Variants in CTBP1 observed in about 807,000 individuals in gnomAD.
The protein encoded by CTBP1 is C-terminal binding protein 1, also known as C-terminal-binding protein 1.
CTBP1 carries 11 observed loss-of-function variants against 42.1 expected under a neutral mutation model. That is an observed-to-expected ratio of 0.26 (90% confidence interval 0.16 to 0.43). CTBP1 has a LOEUF of 0.43. Ranked by LOEUF, CTBP1 falls within the 20% of genes least tolerant of loss-of-function variation. The pLI, the probability that CTBP1 is intolerant of heterozygous loss-of-function variation, is 1.00. For missense variants in CTBP1, 399 were observed against 624.3 expected, an observed-to-expected ratio of 0.64 and a Z score of 3.85; for synonymous variants, 324 against 277.1, an observed-to-expected ratio of 1.17 and a Z score of -1.68.
chr4:1,242,281 T>A (rs1013714551), intron 1 of CTBP1: 1 of 985,406 alleles, frequency 1.0e-6, no homozygotes, highest in Non-Finnish European at 1.2e-6. Context: ...GTCACTGAGC[T>A]GCCCACACCT....
chr4:1,242,410 G>T, intron 1 of CTBP1: 1 of 985,354 alleles, frequency 1.0e-6, no homozygotes, highest in East Asian at 1.1e-4. Flanking sequence ...GGCGTGGGCT[G>T]AGACGACTGC....
Position 1,248,937 on chromosome 4 carries a change from G to A in CTBP1, c.-210C>T, listed in dbSNP as rs1733073373. The A allele has an allele frequency of 5.9e-6, 6 of 1,011,110 alleles. No homozygotes were observed. The highest frequency in any genetic ancestry group is 7.1e-6 in the Non-Finnish European group (6 of 840,904). 62.6% of individuals were successfully genotyped at this position (1,011,110 alleles called of 1,614,324 possible). On this transcript the variant is annotated 5_prime_UTR_variant, in exon 1 of 10. Transcript: ENST00000382952. ...TTACCAAGCGGCAGGCCCTTGTTGA[G>A]CAAGTGCGAGCTGCCCATCGAGAGG...
chr4:1,246,545 G>A (rs1325404461), intron 1 of CTBP1, among the ~76,000 whole-genome samples: 15 of 152,324 alleles, frequency 9.8e-5, no homozygotes, highest in Middle Eastern at 3.4e-3. Flanking sequence ...GGGCACAGCC[G>A]GGCACAAAGT....
At chr4:1,236,402 G>A (rs1381478998) in intron 3 of CTBP1, 19 of 545,412 alleles carry the variant, frequency 3.5e-5, no homozygotes, top group East Asian at 1.6e-4. Flanking sequence ...GAGACCGCCC[G>A]TGTGAAGACC....
At chr4:1,248,312 G>A (rs1467569414) in intron 1 of CTBP1, among the ~76,000 whole-genome samples, 2 of 151,792 alleles carry the variant, frequency 1.3e-5, no homozygotes, top group East Asian at 1.9e-4. Context: ...ACCGCCGGGG[G>A]CTGCGCTTTG....
chr4:1,246,086 G>A (rs986821518), intron 1 of CTBP1, among the ~76,000 whole-genome samples: 1 of 152,194 alleles, frequency 6.6e-6, no homozygotes, highest in Non-Finnish European at 1.5e-5. Context: ...GTGGCCGGAG[G>A]GGCTTCTGGA....
Position 1,247,738 on chromosome 4 carries a change from C to T in CTBP1, c.-189+1178G>A, listed in dbSNP as rs987820231. Among the ~76,000 whole-genome samples the T allele has an allele frequency of 8.6e-4, 126 of 147,124 alleles. 1 individual carries two copies. In the Middle Eastern group the frequency reaches 0.011, roughly 13 times the overall value. On this transcript the variant is annotated intron_variant, in intron 1 of 9. Transcript: ENST00000382952. ...CGAGGGACGTGTGCTCCCTGCCGCG[C>T]TCCTACAGAAACGGTGGAGAGGCCG...
chr4:1,217,844 C>T (rs568293998), intron 5 of CTBP1: 2 of 152,236 alleles, frequency 1.3e-5, no homozygotes, highest in African/African-American at 4.8e-5. Context: ...AGGCTGGAAT[C>T]AGCCAGCAAA....
At chr4:1,220,451 G>A (rs563904017) in intron 5 of CTBP1, among the ~76,000 whole-genome samples, 4 of 152,250 alleles carry the variant, frequency 2.6e-5, no homozygotes, top group African/African-American at 7.2e-5. Flanking sequence ...TTTATGTCCC[G>A]AAGGTTCAAT....
chr4:1,239,571 G>A lies in CTBP1; in HGVS notation c.8-1234C>T, dbSNP rs138272268. Among the ~76,000 whole-genome samples the A allele has an allele frequency of 2.0e-4, 31 of 152,342 alleles. 1 individual carries two copies. The East Asian group carries it at 6.0e-3, about 29-fold the overall frequency. On this transcript the variant is annotated intron_variant, in intron 2 of 9. Transcript: ENST00000382952. Reference sequence around the variant, plus strand: ...CGAGCTGCCAGTATCCAGGAAGCAGGGAAGTGCCTCCTGGAACCCATGGCA... The same window carrying A: ...CGAGCTGCCAGTATCCAGGAAGCAGAGAAGTGCCTCCTGGAACCCATGGCA...
At chr4:1,242,932 C>T (rs1026726851) in intron 1 of CTBP1, 20 of 984,700 alleles carry the variant, frequency 2.0e-5, no homozygotes, top group Admixed American at 6.2e-5. Flanking sequence ...CTCATCAACG[C>T]CAGCCGATAC....
intron 4 of CTBP1, among the ~76,000 whole-genome samples, chr4:1,227,319 G>A (rs999644595): frequency 6.6e-6 from 1 of 150,534 alleles, no homozygotes; most frequent in Admixed American, 6.6e-5. Context: ...CGTGTGCTGA[G>A]TGCATGTGCA....
chr4:1,243,675 C>T, intron 1 of CTBP1: 1 of 985,480 alleles, frequency 1.0e-6, no homozygotes, highest in Non-Finnish European at 1.2e-6. Context: ...CTGCGCACCT[C>T]ACGCCAGGGA....
rs1731747863 is a variant in CTBP1 at position 1,238,006 on chromosome 4, A to C, written c.162+177T>G. 1.2e-6 allele frequency: 1 copy of C among 825,598 alleles called. No homozygotes were observed. Among genetic ancestry groups the C allele is most frequent in the African/African-American group, 1.7e-5 (1 of 59,452 alleles). The allele number at this position is 825,598 out of a possible 1,614,324, so 51.1% of individuals were successfully genotyped here. A position where few individuals can be genotyped will look rare whatever the true frequency, so the allele number is the denominator to read the frequency against. ...GGGCAAACCCGATGTCCACCTCCTG[A>C]TGGTGTCCAGGGAAAACCCCGTGTC... On this transcript the variant is annotated intron_variant, in intron 3 of 9. Transcript: ENST00000382952. This position sits in a 1 kb window ranked among gnomAD's most constrained non-coding sequence, Gnocchi z 5.9.
rs1326775233 is a variant in CTBP1, at chr4:1,212,391, G to C, written c.1139C>G (p.Thr380Ser). ...ACCTTCCACAGCAGCTGGGATGCCAGTGGGGGCCACGCCCACCACGCCCGG... is the reference window on the plus strand; with the variant it reads ...ACCTTCCACAGCAGCTGGGATGCCACTGGGGGCCACGCCCACCACGCCCGG... ...YPPGVVGVAPTGIPAAVEGIV... is the reference protein window; with the variant it reads ...YPPGVVGVAPSGIPAAVEGIV... Residue 380 changes from threonine to serine, a missense_variant, in exon 10 of 10, where the codon ACT becomes AGT. Coordinates refer to ENST00000382952, the MANE Select transcript of CTBP1 (RefSeq NM_001012614.2). The C allele has an allele frequency of 1.3e-6, 2 of 1,492,636 alleles. No individual in the cohort carries two copies. Among genetic ancestry groups the C allele is most frequent in the Non-Finnish European group, 1.8e-6 (2 of 1,125,130 alleles). The allele number at this position is 1,492,636 out of a possible 1,614,324, so 92.5% of individuals were successfully genotyped here.
chr4:1,237,984 C>T lies in CTBP1; in HGVS notation c.162+199G>A, dbSNP rs1490214638. Reference sequence around the variant, plus strand: ...GTCCACCTCCTGATGGGGCTCAGGGCAAACCCGATGTCCACCTCCTGATGG... The same window carrying T: ...GTCCACCTCCTGATGGGGCTCAGGGTAAACCCGATGTCCACCTCCTGATGG... On this transcript the variant is annotated intron_variant, in intron 3 of 9. Transcript: ENST00000382952. 1.7e-5 allele frequency: 13 copies of T among 756,178 alleles called. No homozygotes were observed. In the East Asian group the frequency reaches 2.9e-4, roughly 17 times the overall value. 46.8% of individuals were successfully genotyped at this position (756,178 alleles called of 1,614,324 possible).
Position 1,226,899 on chromosome 4 carries a change from C to T in CTBP1, c.307+1300G>A, listed in dbSNP as rs576547949. ...GGCTTCCGACACCACCTGCGTCCCC[C>T]GCAGGAACACAGACGGTTCCAACTT... On this transcript the variant is annotated intron_variant, in intron 4 of 9. Transcript: ENST00000382952. Among the ~76,000 whole-genome samples the T allele has an allele frequency of 3.3e-5, 5 of 152,058 alleles. No homozygotes were observed. The South Asian group carries it at 6.2e-4, about 19-fold the overall frequency.
At chr4:1,224,744 G>A (rs531294942) in intron 5 of CTBP1, among the ~76,000 whole-genome samples, 56 of 152,062 alleles carry the variant, frequency 3.7e-4, no homozygotes, top group Non-Finnish European at 6.9e-4. Context: ...TGTGACATCT[G>A]TGTTATCTGT....
rs1394054108 is a variant in CTBP1, at chr4:1,213,517, G to A, written c.949C>T (p.Arg317Ter). 1 of 1,612,786 alleles carries A rather than the reference G, an allele frequency of 6.2e-7. No individual in the cohort carries two copies. The highest frequency in any genetic ancestry group is 8.5e-7 in the Non-Finnish European group (1 of 1,179,898). The change falls in exon 8 of 10, where the codon CGA becomes TGA. Residue 317 changes from arginine (R) to a stop codon, truncating the protein, a stop_gained. Coordinates refer to ENST00000382952, the MANE Select transcript of CTBP1 (RefSeq NM_001012614.2). LOFTEE classifies it high-confidence loss of function. ...WYSEQASIEM[R>*]EEAAREIRRA... is the part of the protein sequence containing the mutation. ...CGGATCTCCCGTGCCGCCTCCTCTC[G>A]CATCTCGATGGATGCCTGCTCGCTG...
Sources: gnomAD v4.1 joint callset for allele counts (sites outside exome capture counted in the v4.1 genomes callset) on GRCh38, gnomAD v4.1.1 for gene constraint, Gnocchi (gnomAD v3.1) non-coding constraint, MANE v1.5 for transcripts, NCBI Gene and HGNC (gene_info 2026-07-23, HGNC 2026-07-21) for gene names.